The following UGGT2 variants were observed in gnomAD, a reference collection of about 807,000 sequenced individuals.
UGGT2 encodes the protein UDP-glucose:glycoprotein glucosyltransferase 2.
A neutral mutation model predicts 192.1 loss-of-function variants in UGGT2; 180 were observed. That is an observed-to-expected ratio of 0.94 (90% confidence interval 0.83 to 1.06). UGGT2 has a LOEUF of 1.06. UGGT2 is among the 50% of genes least tolerant of loss of function. The pLI is 0.00. For synonymous variants in UGGT2, 580 were observed against 591.0 expected (o/e 0.98, Z 0.27); for missense variants, 1,849 against 1,795.7 (o/e 1.03, Z -0.54).
chr13:95,872,338 A>C (rs934783903), intron 29 of UGGT2, among the ~76,000 whole-genome samples: 1 of 152,238 alleles, frequency 6.6e-6, no homozygotes, highest in Non-Finnish European at 1.5e-5. Flanking sequence ...CAGAAGTGGA[A>C]AGCCAAATTT....
At chr13:95,837,255 A>T in intron 36 of UGGT2, 53 bp from the exon 37 acceptor site, 2 of 1,250,802 alleles carry the variant, frequency 1.6e-6, no homozygotes, top group South Asian at 2.4e-5. Flanking sequence ...AGTCAGAAGG[A>T]AAGAAGCTGA....
intron 1 of UGGT2, among the ~76,000 whole-genome samples, chr13:96,037,490 C>T (rs558168133): frequency 1.3e-5 from 2 of 152,340 alleles, no homozygotes; most frequent in East Asian, 1.9e-4. Flanking sequence ...AGCCACTGCG[C>T]TTGGCCGCAA....
intron 38 of UGGT2, among the ~76,000 whole-genome samples, chr13:95,808,358 C>A (rs1254133766): frequency 6.6e-6 from 1 of 152,128 alleles, no homozygotes; most frequent in Non-Finnish European, 1.5e-5. Flanking sequence ...CTATCTCTTC[C>A]TGCAAATCCT....
intron 1 of UGGT2, among the ~76,000 whole-genome samples, chr13:96,050,060 C>A (rs7328164): frequency 6.6e-6 from 1 of 151,940 alleles, no homozygotes; most frequent in Non-Finnish European, 1.5e-5. Flanking sequence ...GGAGGCATCA[C>A]GCTACCTGAC....
At chr13:95,932,258 T>C (rs1468849068) in intron 17 of UGGT2, among the ~76,000 whole-genome samples, 1 of 152,072 alleles carries the variant, frequency 6.6e-6, no homozygotes, top group African/African-American at 2.4e-5. Context: ...TTAGTAATTA[T>C]CCTTGTAGAG....
chr13:95,937,182 C>G, intron 16 of UGGT2, 94 bp from the exon 17 acceptor site: 1 of 1,359,270 alleles, frequency 7.4e-7, no homozygotes, highest in Non-Finnish European at 1.0e-6. Context: ...TTTTATATGC[C>G]ATAGGAAAAA....
chr13:95,806,365 G>T (rs1324825330), intron 38 of UGGT2, among the ~76,000 whole-genome samples: 6 of 152,142 alleles, frequency 3.9e-5, no homozygotes, highest in Non-Finnish European at 8.8e-5. Context: ...AGGAGTTAAT[G>T]TCAGAGTTGA....
chr13:95,965,795 T>G (rs1476679985), intron 12 of UGGT2, among the ~76,000 whole-genome samples: 2 of 152,014 alleles, frequency 1.3e-5, no homozygotes, highest in Non-Finnish European at 1.5e-5. Flanking sequence ...GTATATAATG[T>G]TCAACATCAC....
At chr13:95,967,038 A>G (rs1392578025) in intron 12 of UGGT2, among the ~76,000 whole-genome samples, 1 of 152,182 alleles carries the variant, frequency 6.6e-6, no homozygotes, top group African/African-American at 2.4e-5. Context: ...ATGTAGTGAT[A>G]ATCATATCTT....
intron 20 of UGGT2, among the ~76,000 whole-genome samples, chr13:95,924,611 G>A (rs2048962589): frequency 6.6e-6 from 1 of 151,940 alleles, no homozygotes; most frequent in African/African-American, 2.4e-5. Flanking sequence ...ATACTGAATA[G>A]AAGTTATTTG....
chr13:96,041,898 T>C (rs1267392241), intron 1 of UGGT2, among the ~76,000 whole-genome samples: 1 of 151,332 alleles, frequency 6.6e-6, no homozygotes, highest in African/African-American at 2.4e-5. Context: ...AGCCCAGACA[T>C]GCCCTAGAAA....
chr13:95,814,822 A>T (rs763606485), intron 38 of UGGT2, among the ~76,000 whole-genome samples: 2 of 152,172 alleles, frequency 1.3e-5, no homozygotes, highest in Admixed American at 6.5e-5. Flanking sequence ...CAGATGCAAA[A>T]ATCTTTAAGA....
At chr13:95,811,625 A>G (rs984627941) in intron 38 of UGGT2, among the ~76,000 whole-genome samples, 1 of 152,224 alleles carries the variant, frequency 6.6e-6, no homozygotes, top group Admixed American at 6.5e-5. Context: ...TGTGAATTAT[A>G]TAACAAAGCG....
chr13:96,007,269 C>T lies in UGGT2; in HGVS notation c.660+6038G>A, dbSNP rs543109794. Among the ~76,000 whole-genome samples the T allele has an allele frequency of 2.0e-5, 3 of 152,216 alleles. No individual in the cohort carries two copies. The South Asian group carries it at 6.2e-4, about 32-fold the overall frequency. On this transcript the variant is annotated intron_variant, in intron 5 of 38. Coordinates refer to ENST00000376747, the MANE Select transcript of UGGT2 (RefSeq NM_020121.4). ...ATCTCTTTCTGACAAGTCCCTCCCC[C>T]CCAACAAACTAGGTATAGAGGGAAC...
chr13:95,987,750 C>T (rs1165800964), intron 8 of UGGT2, among the ~76,000 whole-genome samples: 2 of 152,086 alleles, frequency 1.3e-5, no homozygotes, highest in Non-Finnish European at 2.9e-5. Flanking sequence ...TCCTATCAAC[C>T]CCTTCTTACA....
chr13:95,967,458 C>G (rs1047468934), intron 12 of UGGT2, among the ~76,000 whole-genome samples: 1 of 141,768 alleles, frequency 7.1e-6, no homozygotes, highest in Non-Finnish European at 1.5e-5. Flanking sequence ...AGCCCCCACG[C>G]GCACCCCCAA....
chr13:96,046,551 A>G (rs1170117723), intron 1 of UGGT2, among the ~76,000 whole-genome samples: 1 of 152,208 alleles, frequency 6.6e-6, no homozygotes, highest in African/African-American at 2.4e-5. Flanking sequence ...GCGATGCAGA[A>G]GAAAGGTGAT....
In UGGT2 at chr13:95,828,545, C is replaced by T. The variant is rs375467954; in HGVS notation, c.4528+4382G>A. 5.9e-5 allele frequency among the ~76,000 whole-genome samples: 9 copies of T among 152,180 alleles called. No homozygotes were observed. In the South Asian group the frequency reaches 8.3e-4, roughly 14 times the overall value. ...TCAGAGAGTATTATAGACAACTCTA[C>T]GCAAATAAACTAGAAAATCTAGAAG... is the stretch of plus-strand genomic sequence containing the variant. On this transcript the variant is annotated intron_variant, in intron 38 of 38. Coordinates refer to ENST00000376747, the MANE Select transcript of UGGT2 (RefSeq NM_020121.4).
chr13:95,866,877 C>T (rs1011562258), intron 30 of UGGT2, among the ~76,000 whole-genome samples: 1 of 151,958 alleles, frequency 6.6e-6, no homozygotes, highest in African/African-American at 2.4e-5. Context: ...TCTTATTATT[C>T]TCCGTTCCTC....
Sources: gnomAD v4.1 joint callset for allele counts (sites outside exome capture counted in the v4.1 genomes callset) on GRCh38, gnomAD v4.1.1 for gene constraint, MANE v1.5 for transcripts, NCBI Gene and HGNC (gene_info 2026-07-23, HGNC 2026-07-21) for gene names.